Variants in GRID1 observed in about 807,000 individuals in gnomAD.
GRID1 encodes the protein glutamate ionotropic receptor delta type subunit 1, also known as glutamate receptor ionotropic, delta-1.
A neutral mutation model predicts 98.0 loss-of-function variants in GRID1; 28 were observed. The observed-to-expected ratio is 0.29, with a 90% confidence interval of 0.21 to 0.39. The LOEUF (loss-of-function observed/expected upper bound fraction) is 0.39, where lower values mean the gene tolerates loss of function less well. Among genes scored for constraint, GRID1 ranks in the 10% least tolerant of loss-of-function variants. The pLI, the probability that GRID1 is intolerant of heterozygous loss-of-function variation, is 1.00. For synonymous variants in GRID1, 553 were observed against 538.5 expected (o/e 1.03, Z -0.37); for missense variants, 1,111 against 1,340.5 (o/e 0.83, Z 2.67).
At chr10:86,354,128 G>A (rs920481044) in intron 2 of GRID1, among the ~76,000 whole-genome samples, 3 of 152,234 alleles carry the variant, frequency 2.0e-5, no homozygotes, top group Non-Finnish European at 4.4e-5. Context: ...ACCTTGGACT[G>A]AGAAGGAAGA....
chr10:85,918,140 T>C (rs1841646766), intron 4 of GRID1, among the ~76,000 whole-genome samples: 1 of 151,904 alleles, frequency 6.6e-6, no homozygotes, highest in Non-Finnish European at 1.5e-5. Context: ...AATACTCTTA[T>C]CAAATGTGCA....
chr10:85,626,199 A>G (rs1014125572), intron 13 of GRID1, among the ~76,000 whole-genome samples: 6 of 152,206 alleles, frequency 3.9e-5, no homozygotes, highest in African/African-American at 1.4e-4. Flanking sequence ...TCGAGGGCAG[A>G]AGATTCCACC....
At chr10:85,992,783 C>G (rs1842697451) in intron 4 of GRID1, among the ~76,000 whole-genome samples, 1 of 151,856 alleles carries the variant, frequency 6.6e-6, no homozygotes, top group Admixed American at 6.6e-5. Flanking sequence ...GACCCTGTCT[C>G]TAAAAATAAT....
intron 15 of GRID1, among the ~76,000 whole-genome samples, chr10:85,607,643 C>T (rs867779158): frequency 1.3e-5 from 2 of 152,076 alleles, no homozygotes; most frequent in African/African-American, 4.8e-5. Flanking sequence ...GAGAGCGAAC[C>T]GACAATGACT....
chr10:86,096,654 G>C (rs1175373758), intron 4 of GRID1, among the ~76,000 whole-genome samples: 1 of 152,192 alleles, frequency 6.6e-6, no homozygotes, highest in African/African-American at 2.4e-5. Context: ...AAGAAGTGTG[G>C]CAGTGGGCTC....
At chr10:86,339,975 G>A (rs904566520) in intron 2 of GRID1, among the ~76,000 whole-genome samples, 2 of 152,166 alleles carry the variant, frequency 1.3e-5, no homozygotes, top group Non-Finnish European at 2.9e-5. Flanking sequence ...CCAGGAGGAC[G>A]GGAGGGGCGG....
chr10:86,330,378 T>C (rs1848122227), intron 2 of GRID1, among the ~76,000 whole-genome samples: 1 of 152,178 alleles, frequency 6.6e-6, no homozygotes, highest in African/African-American at 2.4e-5. Context: ...GTTTGGACGC[T>C]GGGTCCAGCA....
intron 4 of GRID1, among the ~76,000 whole-genome samples, chr10:85,948,760 C>T (rs1290726284): frequency 1.3e-5 from 2 of 152,050 alleles, no homozygotes; most frequent in African/African-American, 2.4e-5. Context: ...AAAAAAGATC[C>T]TGTTTTTTTG....
chr10:85,799,468 A>G (rs147267987), intron 8 of GRID1, among the ~76,000 whole-genome samples: 1 of 152,164 alleles, frequency 6.6e-6, no homozygotes, highest in Non-Finnish European at 1.5e-5. Flanking sequence ...AATCAACCTA[A>G]GTGCCTACCA....
At chr10:85,685,970 A>G (rs1841264378) in intron 12 of GRID1, among the ~76,000 whole-genome samples, 2 of 152,182 alleles carry the variant, frequency 1.3e-5, no homozygotes, top group African/African-American at 4.8e-5. Flanking sequence ...AAAGATAGAT[A>G]TACTATGTTC....
intron 12 of GRID1, among the ~76,000 whole-genome samples, chr10:85,654,559 C>T (rs1840871882): frequency 6.6e-6 from 1 of 152,166 alleles, no homozygotes; most frequent in Non-Finnish European, 1.5e-5. Context: ...CTATGTCCAC[C>T]CTTCCTCCTG....
intron 5 of GRID1, among the ~76,000 whole-genome samples, chr10:85,904,941 A>C (rs1031847184): frequency 6.6e-6 from 1 of 152,136 alleles, no homozygotes; most frequent in African/African-American, 2.4e-5. Flanking sequence ...GAAAATATAA[A>C]AGATTTTTTT....
intron 15 of GRID1, 51 bp from the exon 16 acceptor site, chr10:85,602,752 G>A (rs376023287): frequency 5.7e-6 from 8 of 1,393,116 alleles, no homozygotes; most frequent in African/African-American, 2.8e-5. Context: ...GTGAGTCAAG[G>A]CTGGCTTGCT....
intron 8 of GRID1, among the ~76,000 whole-genome samples, chr10:85,786,419 C>T (rs1340730317): frequency 6.6e-6 from 1 of 152,198 alleles, no homozygotes; most frequent in Non-Finnish European, 1.5e-5. Flanking sequence ...TAAACTCTAG[C>T]ATTGATGTGA....
At chr10:86,332,023 G>A (rs2132103249) in intron 2 of GRID1, among the ~76,000 whole-genome samples, 1 of 152,320 alleles carries the variant, frequency 6.6e-6, no homozygotes, top group Non-Finnish European at 1.5e-5. Context: ...AGGCTGCAGG[G>A]CTCAGGGCAC....
At chr10:85,682,038 T>G (rs1841215375) in intron 12 of GRID1, among the ~76,000 whole-genome samples, 1 of 151,682 alleles carries the variant, frequency 6.6e-6, no homozygotes, top group Non-Finnish European at 1.5e-5. Context: ...CAGCAACAGA[T>G]CCTGGATAAT....
At chr10:85,928,479 C>T (rs1023768928) in intron 4 of GRID1, among the ~76,000 whole-genome samples, 2 of 152,184 alleles carry the variant, frequency 1.3e-5, no homozygotes, top group Non-Finnish European at 2.9e-5. Flanking sequence ...GCAGGCTTGG[C>T]CTGCAGACAC....
chr10:85,663,696 C>G (rs568817267), intron 12 of GRID1, among the ~76,000 whole-genome samples: 20 of 152,252 alleles, frequency 1.3e-4, no homozygotes, highest in African/African-American at 3.6e-4. Flanking sequence ...GCTTTCTCAC[C>G]CACTTTTTAT....
At chr10:85,889,672 A>T (rs1251256181) in intron 5 of GRID1, among the ~76,000 whole-genome samples, 2 of 152,046 alleles carry the variant, frequency 1.3e-5, no homozygotes, top group Non-Finnish European at 2.9e-5. Flanking sequence ...GGAGATGTTG[A>T]TTTCCTTTCT....
Sources: allele counts gnomAD v4.1 joint callset (sites outside exome capture counted in the v4.1 genomes callset), GRCh38; gene constraint gnomAD v4.1.1; transcripts MANE v1.5; gene names NCBI Gene and HGNC (gene_info 2026-07-23, HGNC 2026-07-21).